The following CPT1A variants were observed in gnomAD, a reference collection of about 807,000 sequenced individuals.
CPT1A encodes carnitine O-palmitoyltransferase 1, liver isoform.
Under a neutral mutation model 100.8 loss-of-function variants are expected in CPT1A, and 64 were observed. That is an observed-to-expected ratio of 0.63 (90% CI 0.52 to 0.78). The LOEUF is 0.78. CPT1A is among the 30% of genes least tolerant of loss of function. The probability of loss-of-function intolerance (pLI) is 0.00; values close to 1 mark genes in which losing one functional copy is unlikely to be tolerated. For missense variants in CPT1A, 802 were observed against 1,034.1 expected (o/e 0.78, Z 3.08); for synonymous variants, 363 against 396.0 (o/e 0.92, Z 0.99).
intron 3 of CPT1A, among the ~76,000 whole-genome samples, chr11:68,810,853 C>T (rs1009030756): frequency 2.0e-5 from 3 of 151,976 alleles, no homozygotes; most frequent in Non-Finnish European, 2.9e-5. Flanking sequence ...GGCATGGTGG[C>T]GGACACCTGT....
rs138700687 is a variant in CPT1A at position 68,780,706 on chromosome 11, G to A, written c.1392C>T (p.Asn464=). ...GTTCAGCGTTGAGGCCCATCTTCCC[G>A]TTTTTGAAGACAACAAACGTGAACG... The part of the protein sequence containing the change: ...DKSFTFVVFK[N]GKMGLNAEHS... The change falls in exon 12 of 19, where the codon AAC becomes AAT. Residue 464 remains asparagine, a synonymous_variant. Transcript: ENST00000265641. 4.7e-5 allele frequency: 76 copies of A among 1,614,100 alleles called. No homozygotes were observed. Among genetic ancestry groups the A allele is most frequent in the East Asian group, 2.7e-4 (12 of 44,904 alleles).
intron 15 of CPT1A, 73 bp downstream of exon 15, chr11:68,762,554 G>T: frequency 1.3e-6 from 2 of 1,583,424 alleles, no homozygotes; most frequent in South Asian, 1.1e-5. Context: ...AGAGAAGCTG[G>T]AGTGATGGCC....
chr11:68,823,961 GAC>G (rs1856654582), intron 1 of CPT1A, among the ~76,000 whole-genome samples: 1 of 150,494 alleles, frequency 6.6e-6, no homozygotes, highest in South Asian at 2.1e-4. Flanking sequence ...AGATGGAAGT[GAC>G]AGGCCGGGTG....
chr11:68,840,065 C>A, intron 1 of CPT1A, among the ~76,000 whole-genome samples: 1 of 152,230 alleles, frequency 6.6e-6, no homozygotes, highest in Non-Finnish European at 1.5e-5. Context: ...GCTAGCAATG[C>A]TTCACAGGAA....
At chr11:68,816,433 G>C (rs1856390193) in intron 1 of CPT1A, among the ~76,000 whole-genome samples, 1 of 152,204 alleles carries the variant, frequency 6.6e-6, no homozygotes, top group Non-Finnish European at 1.5e-5. Flanking sequence ...CGGATCCCGG[G>C]GCGCTGCAGT....
At chr11:68,799,077 G>A in intron 6 of CPT1A, 141 bp downstream of exon 6, 1 of 741,046 alleles carries the variant, frequency 1.3e-6, no homozygotes. Context: ...TCTGCACAGA[G>A]GTAAAACTAT....
intron 1 of CPT1A, among the ~76,000 whole-genome samples, chr11:68,817,523 G>A (rs1856462105): frequency 6.6e-6 from 1 of 152,176 alleles, no homozygotes; most frequent in Admixed American, 6.6e-5. Context: ...CTCTGGTGCA[G>A]GAAGGGGAGA....
intron 13 of CPT1A, 112 bp from the exon 14 acceptor site, chr11:68,773,541 G>T: frequency 6.4e-7 from 1 of 1,558,802 alleles, no homozygotes; most frequent in South Asian, 1.2e-5. Context: ...TCGGTACTGG[G>T]AAGTACACAA....
chr11:68,774,955 T>C (rs1855104521), intron 13 of CPT1A, among the ~76,000 whole-genome samples: 1 of 152,004 alleles, frequency 6.6e-6, no homozygotes, highest in South Asian at 2.1e-4. Flanking sequence ...GAATTAAACT[T>C]TGAGAAGTAT....
intron 1 of CPT1A, among the ~76,000 whole-genome samples, chr11:68,819,579 G>A (rs568402077): frequency 2.0e-4 from 30 of 152,320 alleles, no homozygotes; most frequent in East Asian, 9.6e-4. Flanking sequence ...TAAATATAGC[G>A]TCTGTAGCCA....
chr11:68,755,129 T>G lies in CPT1A; in HGVS notation c.*2515A>C, dbSNP rs1337143337. 4.5e-6 allele frequency: 2 copies of G among 442,972 alleles called. No individual in the cohort carries two copies. Among genetic ancestry groups the G allele is most frequent in the African/African-American group, 3.9e-5 (2 of 51,116 alleles). 27.4% of individuals were successfully genotyped at this position (442,972 alleles called of 1,614,324 possible). A position where few individuals can be genotyped will look rare whatever the true frequency, so the allele number is the denominator to read the frequency against. ...TCCCCTCAAGGAATATAAAATTGCA[T>G]TGATAACTGCACTGATGAGCAACAA... is the stretch of plus-strand genomic sequence containing the variant. On this transcript the variant is annotated 3_prime_UTR_variant, in exon 19 of 19. Transcript: ENST00000265641.
At chr11:68,762,589 G>A in intron 15 of CPT1A, 38 bp downstream of exon 15, 1 of 1,611,028 alleles carries the variant, frequency 6.2e-7, no homozygotes, top group South Asian at 1.1e-5. Context: ...AGGGAAGTGT[G>A]ACAAGCACGT....
At chr11:68,791,031 C>G (rs1401072967) in intron 9 of CPT1A, among the ~76,000 whole-genome samples, 3 of 152,154 alleles carry the variant, frequency 2.0e-5, no homozygotes, top group Admixed American at 1.3e-4. Context: ...ACCATGTTGG[C>G]CAGGCTGGTG....
chr11:68,769,555 T>C lies in CPT1A; in HGVS notation c.1740+3710A>G, dbSNP rs535804467. On this transcript the variant is annotated intron_variant, in intron 14 of 18. Coordinates refer to ENST00000265641, the MANE Select transcript of CPT1A (RefSeq NM_001876.4). ...ACTGAGACCACTTTAATCACAACAG[T>C]CTTCTAACTCCTACACTTTAAGTTT... Among the ~76,000 whole-genome samples the C allele has an allele frequency of 2.9e-4, 44 of 152,102 alleles. No individual in the cohort carries two copies. The East Asian group carries it at 7.2e-3, about 25-fold the overall frequency.
Position 68,800,144 on chromosome 11 carries a change from A to C in CPT1A, c.556-789T>G, listed in dbSNP as rs111240975. 1.3e-3 allele frequency among the ~76,000 whole-genome samples: 205 copies of C among 152,266 alleles called. 1 individual carries two copies. The highest frequency in any genetic ancestry group is 4.8e-3 in the African/African-American group (199 of 41,554). ...GGGGCTGGGCAGGTGCTCAGGCAGC[A>C]GGATGGGAACGAGGGGCTGGAATAG... On this transcript the variant is annotated intron_variant, in intron 5 of 18. Coordinates refer to ENST00000265641, the MANE Select transcript of CPT1A (RefSeq NM_001876.4).
intron 13 of CPT1A, among the ~76,000 whole-genome samples, chr11:68,774,385 C>A (rs1452049296): frequency 6.6e-6 from 1 of 152,052 alleles, no homozygotes; most frequent in Non-Finnish European, 1.5e-5. Context: ...CACACGTCAT[C>A]TTATGATGAC....
In CPT1A at chr11:68,799,204, G is replaced by GTA; in HGVS notation, c.693+12_693+13dup. On this transcript the variant is annotated intron_variant, in intron 6 of 18. Coordinates refer to ENST00000265641, the MANE Select transcript of CPT1A (RefSeq NM_001876.4). ...GAAAAATTTCATCAAGAAAAACTGT[G>GTA]TATACAGACTTACGTAATTTGTAGC... 6.2e-7 allele frequency: 1 copy of GTA among 1,610,526 alleles called. No individual in the cohort carries two copies. The highest frequency in any genetic ancestry group is 8.5e-7 in the Non-Finnish European group (1 of 1,177,098).
chr11:68,802,896 C>CAAAAAAAAAAAAAAA (rs901808584), intron 5 of CPT1A, among the ~76,000 whole-genome samples: 2 of 44,956 alleles, frequency 4.4e-5, no homozygotes, highest in South Asian at 1.1e-3. Flanking sequence ...GACCCTGTCT[C>CAAAAAAAAAAAAAAA]AAAAAAAAAA....
At chr11:68,832,103 G>A (rs990489192) in intron 1 of CPT1A, among the ~76,000 whole-genome samples, 4 of 152,212 alleles carry the variant, frequency 2.6e-5, no homozygotes, top group African/African-American at 9.7e-5. Flanking sequence ...GGGCTTAGAT[G>A]TCAAGAAACT....
Sources: gnomAD v4.1 joint callset for allele counts (sites outside exome capture counted in the v4.1 genomes callset) on GRCh38, gnomAD v4.1.1 for gene constraint, MANE v1.5 for transcripts, NCBI Gene and HGNC (gene_info 2026-07-23, HGNC 2026-07-21) for gene names.